Variants in BLOC1S3 observed in about 807,000 individuals in gnomAD.
The protein encoded by BLOC1S3 is biogenesis of lysosomal organelles complex 1 subunit 3, also known as biogenesis of lysosome-related organelles complex 1 subunit 3.
BLOC1S3 carries 7 observed loss-of-function variants against 9.1 expected under a neutral mutation model. That is an observed-to-expected ratio of 0.77 (90% CI 0.44 to 1.45). The LOEUF (loss-of-function observed/expected upper bound fraction) is 1.45. Ranked by LOEUF, BLOC1S3 falls within the 40% of genes most tolerant of loss-of-function variation. The pLI, the probability that BLOC1S3 is intolerant of heterozygous loss-of-function variation, is 0.01. For synonymous variants in BLOC1S3, 145 were observed against 158.4 expected, an observed-to-expected ratio of 0.92 and a Z score of 0.64; for missense variants, 307 against 315.2, an observed-to-expected ratio of 0.97 and a Z score of 0.20.
intron 2 of BLOC1S3, among the ~76,000 whole-genome samples, chr19:45,196,360 A>G (rs1211929519): frequency 6.6e-6 from 1 of 152,086 alleles, no homozygotes; most frequent in African/African-American, 2.4e-5. Flanking sequence ...CCTGGGTGAC[A>G]TAGCGAGACT....
intron 2 of BLOC1S3, among the ~76,000 whole-genome samples, chr19:45,197,684 G>T (rs1599753727): frequency 6.6e-6 from 1 of 151,822 alleles, no homozygotes; most frequent in South Asian, 2.1e-4. Flanking sequence ...AATTAGCCAG[G>T]CATGATGGTG....
chr19:45,184,150 C>T (rs1969548828), downstream of BLOC1S3, among the ~76,000 whole-genome samples: 2 of 152,070 alleles, frequency 1.3e-5, no homozygotes, highest in African/African-American at 4.8e-5. Context: ...GGTGGGGTCT[C>T]ACTATTTTGC....
intron 3 of BLOC1S3, among the ~76,000 whole-genome samples, chr19:45,206,449 A>ATTTTTTTTTTTTTTTTTTTTTTTT (rs1401665312): frequency 2.1e-5 from 1 of 48,624 alleles, no homozygotes. Flanking sequence ...GGATTAATCA[A>ATTTTTTTTTTTTTTTTTTTTTTTT]GTTTTTTTTT....
rs79721607 is a variant in BLOC1S3, at chr19:45,193,712, G to A, written n.180+5972G>A. 8.3e-3 allele frequency among the ~76,000 whole-genome samples: 1,233 copies of A among 149,420 alleles called. 17 individuals carry two copies. The highest frequency in any genetic ancestry group is 0.028 in the African/African-American group (1,154 of 40,696). On this transcript the variant is annotated intron_variant and non_coding_transcript_variant, in intron 2 of 3. Transcript: ENST00000591569. ...TGTCAAGGGCTAGAGCCATCTGTTT[G>A]ACTTTTTAAAACTGTTTTTGCAAAA...
chr19:45,212,163 G>C (rs551852190), intron 3 of BLOC1S3, among the ~76,000 whole-genome samples: 8 of 152,356 alleles, frequency 5.3e-5, no homozygotes, highest in Non-Finnish European at 1.2e-4. Context: ...CTGGCTCAGA[G>C]TGGCGAAGGC....
chr19:45,209,045 G>T (rs1466309730), intron 3 of BLOC1S3, among the ~76,000 whole-genome samples: 2 of 148,298 alleles, frequency 1.3e-5, no homozygotes, highest in Non-Finnish European at 3.0e-5. Context: ...CTACAGTTTT[G>T]TTTTTTTTTT....
chr19:45,200,207 A>C (rs1969680434), intron 2 of BLOC1S3, among the ~76,000 whole-genome samples: 1 of 127,788 alleles, frequency 7.8e-6, no homozygotes, highest in African/African-American at 3.0e-5. Context: ...TTTGAGACGG[A>C]GTCTCGCTGT....
intron 2 of BLOC1S3, among the ~76,000 whole-genome samples, chr19:45,197,096 G>A (rs2122919075): frequency 6.6e-6 from 1 of 151,892 alleles, no homozygotes; most frequent in Admixed American, 6.6e-5. Flanking sequence ...AGGGGGCTGA[G>A]GGGTGTTCTT....
At position 45,179,461 on chromosome 19, in the gene BLOC1S3, G is replaced by A. The variant is rs1319535366; in HGVS notation, c.165G>A (p.Arg55=). 1 of 1,525,590 alleles carries A rather than the reference G, an allele frequency of 6.6e-7. No homozygotes were observed. Among genetic ancestry groups the A allele is most frequent in the Non-Finnish European group, 8.8e-7 (1 of 1,142,532 alleles). The allele number at this position is 1,525,590 out of a possible 1,614,324, so 94.5% of individuals were successfully genotyped here. ...GPTRGRPTGL[R]VAGEAAETDS... is the part of the protein sequence containing the mutation. Reference sequence around the variant, plus strand: ...CGCGCGGCCGCCCCACGGGGCTGCGGGTGGCTGGGGAAGCCGCGGAGACCG... The same window carrying A: ...CGCGCGGCCGCCCCACGGGGCTGCGAGTGGCTGGGGAAGCCGCGGAGACCG... Residue 55 remains arginine (R), a synonymous_variant, in exon 2 of 2, where the codon CGG becomes CGA. Transcript: ENST00000433642. The surrounding 1 kb of genome is among the most constrained non-coding windows in gnomAD (Gnocchi z 4.6).
At chr19:45,208,252 A>C (rs10415550) in intron 3 of BLOC1S3, among the ~76,000 whole-genome samples, 5 of 151,472 alleles carry the variant, frequency 3.3e-5, no homozygotes, top group African/African-American at 1.2e-4. Flanking sequence ...GATTACAGGC[A>C]TGAGCCACCA....
At chr19:45,190,987 A>G (rs910407016) in intron 2 of BLOC1S3, among the ~76,000 whole-genome samples, 1 of 146,800 alleles carries the variant, frequency 6.8e-6, no homozygotes, top group African/African-American at 2.5e-5. Flanking sequence ...TTGTTTTTTT[A>G]GTAGAGACGG....
chr19:45,213,497 C>A, intron 3 of BLOC1S3: 1 of 955,890 alleles, frequency 1.0e-6, no homozygotes, highest in Admixed American at 2.9e-5. Context: ...CCTCCAGAGC[C>A]TTCCCTCCAA....
At chr19:45,199,379 G>A (rs954848858) in intron 2 of BLOC1S3, among the ~76,000 whole-genome samples, 6 of 131,080 alleles carry the variant, frequency 4.6e-5, no homozygotes, top group Non-Finnish European at 7.7e-5. Flanking sequence ...ACAGTGGCAC[G>A]ATCTTGGCTC....
intron 3 of BLOC1S3, among the ~76,000 whole-genome samples, chr19:45,214,858 A>G (rs1034869770): frequency 2.6e-5 from 4 of 152,024 alleles, no homozygotes; most frequent in Non-Finnish European, 5.9e-5. Flanking sequence ...AGCTTTAATT[A>G]TACCCCTTAC....
chr19:45,208,432 C>T lies in BLOC1S3; in HGVS notation n.282+5925C>T, dbSNP rs146801544. 1.1e-3 allele frequency among the ~76,000 whole-genome samples: 161 copies of T among 152,108 alleles called. 1 individual carries two copies. The highest frequency in any genetic ancestry group is 2.6e-3 in the African/African-American group (108 of 41,514). On this transcript the variant is annotated intron_variant and non_coding_transcript_variant, in intron 3 of 3. Transcript: ENST00000591569. ...GACCAGCCTAGCCAACATGGCAAAACGCTGTCTCTGCTAAAAATACAAAAA... is the reference window on the plus strand; with the variant it reads ...GACCAGCCTAGCCAACATGGCAAAATGCTGTCTCTGCTAAAAATACAAAAA...
chr19:45,184,787 C>G (rs991880690), downstream of BLOC1S3, among the ~76,000 whole-genome samples: 2 of 151,150 alleles, frequency 1.3e-5, no homozygotes, highest in Admixed American at 6.6e-5. Flanking sequence ...GTGGTCCAAG[C>G]TACTCGGGAG....
In BLOC1S3 at chr19:45,179,847, C is replaced by A. The variant is rs767423019; in HGVS notation, c.551C>A (p.Pro184Gln). Residue 184 changes from proline (P) to glutamine (Q), a missense_variant, in exon 2 of 2, where the codon CCG becomes CAG. Pro to Gln is a moderately conservative substitution (Grantham distance 76). Coordinates refer to ENST00000433642, the MANE Select transcript of BLOC1S3 (RefSeq NM_212550.5). The surrounding 1 kb of genome is among the most constrained non-coding windows in gnomAD (Gnocchi z 4.6). ...LDIVAGCRLL[P>Q]DIRGVPGTEP... is the part of the protein sequence containing the mutation. ...ATCGTGGCTGGCTGCCGCCTGCTGC[C>A]GGACATCCGCGGCGTGCCAGGGACC... is the stretch of plus-strand genomic sequence containing the variant. The A allele has an allele frequency of 6.2e-7, 1 of 1,609,172 alleles. No homozygotes were observed. Among genetic ancestry groups the A allele is most frequent in the Admixed American group, 1.7e-5 (1 of 59,920 alleles).
At position 45,194,102 on chromosome 19, in the gene BLOC1S3, CTT is replaced by C. The variant is rs34470523; in HGVS notation, n.180+6386_180+6387del. On this transcript the variant is annotated intron_variant and non_coding_transcript_variant, in intron 2 of 3. Transcript: ENST00000591569. ...ACAGGTGTGAGCCACCGCGCCTGGC[CTT>C]TTTTTTTTTTTTTTTTTTTTTTTAA... is the stretch of plus-strand genomic sequence containing the variant. Among the ~76,000 whole-genome samples, 118 of 45,092 alleles carry C rather than the reference CTT, an allele frequency of 2.6e-3. 1 individual carries two copies. Among genetic ancestry groups the C allele is most frequent in the African/African-American group, 0.012 (108 of 8,656 alleles). 29.6% of individuals were successfully genotyped at this position (45,092 alleles called of 152,430 possible). A position where few individuals can be genotyped will look rare whatever the true frequency, so the allele number is the denominator to read the frequency against.
chr19:45,213,278 G>C lies in BLOC1S3; in HGVS notation n.283-3398G>C, dbSNP rs771973379. 8.7e-6 allele frequency: 14 copies of C among 1,613,630 alleles called. No individual in the cohort carries two copies. Among genetic ancestry groups the C allele is most frequent in the Admixed American group, 1.7e-5 (1 of 59,946 alleles). ...CCCTCCTCAGAGAGTTCCAGGTCCCGGGCCACGGCCAGGATCTCCTGGCGG... is the reference window on the plus strand; with the variant it reads ...CCCTCCTCAGAGAGTTCCAGGTCCCCGGCCACGGCCAGGATCTCCTGGCGG... On this transcript the variant is annotated intron_variant and non_coding_transcript_variant, in intron 3 of 3. Coordinates refer to the BLOC1S3 transcript ENST00000591569.
Sources: gnomAD v4.1 joint callset for allele counts (sites outside exome capture counted in the v4.1 genomes callset) on GRCh38, gnomAD v4.1.1 for gene constraint, Gnocchi (gnomAD v3.1) non-coding constraint, MANE v1.5 for transcripts, NCBI Gene and HGNC (gene_info 2026-07-23, HGNC 2026-07-21) for gene names.